ADGRV1: variants seen among roughly 807,000 people sequenced by gnomAD.
ADGRV1 encodes the protein adhesion G protein-coupled receptor V1.
ADGRV1 carries 359 observed loss-of-function variants against 596.2 expected under a neutral mutation model. The observed-to-expected ratio is 0.60, with a 90% CI of 0.55 to 0.66. ADGRV1 has a LOEUF of 0.66. Among genes scored for constraint, ADGRV1 ranks in the 30% least tolerant of loss-of-function variants. ADGRV1 has a pLI of 0.00. For synonymous variants in ADGRV1, 2,681 were observed against 2,679.2 expected, an observed-to-expected ratio of 1.00 and a Z score of -0.02; for missense variants, 7,274 against 7,575.6, an observed-to-expected ratio of 0.96 and a Z score of 1.48.
chr5:90,612,379 G>A lies in ADGRV1; in HGVS notation c.23-2456G>A, dbSNP rs190757666. On this transcript the variant is annotated intron_variant, in intron 1 of 89. Transcript: ENST00000405460. ...TTGAAATATCTGAATGCTTGGAAAC[G>A]TAGCATAAATGATCTATCATATTAT... is the stretch of plus-strand genomic sequence containing the variant. Among the ~76,000 whole-genome samples, 5 of 152,090 alleles carry A rather than the reference G, an allele frequency of 3.3e-5. No individual in the cohort carries two copies. The East Asian group carries it at 5.8e-4, about 18-fold the overall frequency.
Position 90,779,031 on chromosome 5 carries a change from A to G in ADGRV1, c.13016A>G (p.Asp4339Gly), listed in dbSNP as rs770168462. 17 of 1,613,422 alleles carry G rather than the reference A, an allele frequency of 1.1e-5. No homozygotes were observed. Among genetic ancestry groups the G allele is most frequent in the Non-Finnish European group, 1.4e-5 (17 of 1,179,512 alleles). The part of the protein sequence containing the change: ...MRKSLHVEIL[D>G]DDYPEGPEEF... ...AAAAGTCTGCATGTTGAAATCCTTG[A>G]TGATGACTATCCTGAAGGCCCAGAG... The change falls in exon 64 of 90, where the codon GAT (aspartate) becomes GGT (glycine). Residue 4339 changes from aspartate (D) to glycine (G), a missense_variant. Asp to Gly is a moderately conservative substitution (Grantham distance 94). Around this residue, in one of 5 missense-constraint regions of ADGRV1, gnomAD observed 3,643 missense variants for 3,809.2 expected, o/e 0.96. Coordinates refer to ENST00000405460, the MANE Select transcript of ADGRV1 (RefSeq NM_032119.4).
intron 87 of ADGRV1, among the ~76,000 whole-genome samples, chr5:91,147,305 A>T (rs550755467): frequency 3.4e-4 from 52 of 152,174 alleles, no homozygotes; most frequent in African/African-American, 1.2e-3. Context: ...TGTTCTGTAA[A>T]TTCTCAGCTT....
chr5:90,975,039 A>G (rs924683361), intron 84 of ADGRV1, among the ~76,000 whole-genome samples: 4 of 152,204 alleles, frequency 2.6e-5, no homozygotes, highest in African/African-American at 9.7e-5. Flanking sequence ...AAGTGGGCGA[A>G]GGATATGAAC....
At position 91,150,275 on chromosome 5, in the gene ADGRV1, C is replaced by G. The variant is rs1208985342; in HGVS notation, c.18624+54C>G. On this transcript the variant is annotated intron_variant, in intron 88 of 89. Coordinates refer to ENST00000405460, the MANE Select transcript of ADGRV1 (RefSeq NM_032119.4). ...TCTCTCTGTCTCTGTCTCTCTCTCT[C>G]TCTCTGTCTGTCTCTCTCTCTGTGT... 17 of 1,315,126 alleles carry G rather than the reference C, an allele frequency of 1.3e-5. No individual in the cohort carries two copies. In the East Asian group the frequency reaches 3.0e-4, roughly 23 times the overall value. The allele number at this position is 1,315,126 out of a possible 1,614,324, so 81.5% of individuals were successfully genotyped here. A position where few individuals can be genotyped will look rare whatever the true frequency, so the allele number is the denominator to read the frequency against.
intron 85 of ADGRV1, among the ~76,000 whole-genome samples, chr5:91,062,636 TG>T (rs1018678071): frequency 4.6e-5 from 7 of 152,172 alleles, no homozygotes; most frequent in African/African-American, 1.4e-4. Flanking sequence ...TCTGCAGATC[TG>T]CGGTATCCTC....
intron 85 of ADGRV1, among the ~76,000 whole-genome samples, chr5:91,004,198 TC>T (rs1301867252): frequency 6.6e-6 from 1 of 152,178 alleles, no homozygotes; most frequent in Non-Finnish European, 1.5e-5. Flanking sequence ...TGAAAAAGCA[TC>T]TAGGTGTTCT....
At chr5:90,726,256 C>A (rs948767312) in intron 48 of ADGRV1, among the ~76,000 whole-genome samples, 4 of 152,174 alleles carry the variant, frequency 2.6e-5, no homozygotes, top group Non-Finnish European at 5.9e-5. Context: ...AAAGCCAGGC[C>A]TCTCACATAA....
At chr5:90,715,232 A>T (rs1749930080) in intron 42 of ADGRV1, among the ~76,000 whole-genome samples, 2 of 152,162 alleles carry the variant, frequency 1.3e-5, no homozygotes, top group African/African-American at 4.8e-5. Flanking sequence ...AGAGAGAGGA[A>T]AGCTGATAGA....
At chr5:90,947,841 C>T (rs2150892557) in intron 83 of ADGRV1, among the ~76,000 whole-genome samples, 1 of 152,146 alleles carries the variant, frequency 6.6e-6, no homozygotes, top group Admixed American at 6.6e-5. Context: ...TATTTTATGG[C>T]ATAATGACAT....
rs76060339 is a variant in ADGRV1, at chr5:91,117,098, A to G, written c.18432+14758A>G. ...TCATTTAAAAAGGTTTGCAAGAAAA[A>G]TCTAATATGTAAGCATTTGAGGAAA... On this transcript the variant is annotated intron_variant, in intron 87 of 89. Transcript: ENST00000405460. Among the ~76,000 whole-genome samples, 1,218 of 152,316 alleles carry G rather than the reference A, an allele frequency of 8.0e-3. 32 individuals are homozygous for G. The East Asian group carries it at 0.11, about 14-fold the overall frequency.
intron 87 of ADGRV1, among the ~76,000 whole-genome samples, chr5:91,104,396 G>A (rs1791664819): frequency 6.6e-6 from 1 of 152,152 alleles, no homozygotes; most frequent in Non-Finnish European, 1.5e-5. Flanking sequence ...AAAAGAATTA[G>A]CATATCTATC....
intron 60 of ADGRV1, among the ~76,000 whole-genome samples, chr5:90,775,508 G>T (rs1485794295): frequency 6.6e-6 from 1 of 152,140 alleles, no homozygotes; most frequent in African/African-American, 2.4e-5. Flanking sequence ...GCAGGGTCTT[G>T]CTCTGTCACC....
chr5:90,635,882 A>G (rs2149403976), intron 10 of ADGRV1, among the ~76,000 whole-genome samples: 1 of 149,798 alleles, frequency 6.7e-6, no homozygotes, highest in South Asian at 2.1e-4. Context: ...GGCATGAGGC[A>G]TTGTGCCTGG....
At chr5:90,675,533 A>C (rs1773112394) in intron 24 of ADGRV1, 88 bp downstream of exon 24, 4 of 1,254,928 alleles carry the variant, frequency 3.2e-6, no homozygotes, top group Non-Finnish European at 4.5e-6. Context: ...TGTACCTGGA[A>C]CATAGTGACT....
Position 90,745,801 on chromosome 5 carries a change from G to A in ADGRV1, c.10974+6G>A. The A allele has an allele frequency of 6.7e-7, 1 of 1,487,782 alleles. No individual in the cohort carries two copies. The highest frequency in any genetic ancestry group is 9.4e-7 in the Non-Finnish European group (1 of 1,068,146). 92.2% of individuals were successfully genotyped at this position (1,487,782 alleles called of 1,614,324 possible). ...GAATTGTTGCATTTGCTCAGGTAAT[G>A]ATACTGAAGACCCCACACTTGCAAT... On this transcript the variant is annotated splice_donor_region_variant and intron_variant, in intron 52 of 89. Transcript: ENST00000405460.
chr5:90,582,682 A>T lies in ADGRV1; in HGVS notation c.22+23765A>T, dbSNP rs78516765. ...TGGATTCAAGAGATTATCCTGCCTC[A>T]TTCTCCCAAGTAGCTGGGACTATCA... On this transcript the variant is annotated intron_variant, in intron 1 of 89. Transcript: ENST00000405460. 9.1e-3 allele frequency among the ~76,000 whole-genome samples: 1,389 copies of T among 152,192 alleles called. 12 individuals are homozygous for T. Among genetic ancestry groups the T allele is most frequent in the African/African-American group, 0.032 (1,325 of 41,514 alleles).
chr5:90,673,160 A>T (rs1361823823), intron 22 of ADGRV1, among the ~76,000 whole-genome samples: 24 of 151,866 alleles, frequency 1.6e-4, no homozygotes. Context: ...CTTTTTTTGG[A>T]TTAATTGCTT....
At chr5:91,017,528 G>A (rs1473892182) in intron 85 of ADGRV1, among the ~76,000 whole-genome samples, 1 of 151,852 alleles carries the variant, frequency 6.6e-6, no homozygotes, top group African/African-American at 2.4e-5. Context: ...GTGATTGCAG[G>A]CAAAACAACC....
intron 1 of ADGRV1, among the ~76,000 whole-genome samples, chr5:90,584,343 G>A (rs1758465482): frequency 6.6e-6 from 1 of 152,184 alleles, no homozygotes; most frequent in South Asian, 2.1e-4. Flanking sequence ...AGCTGCTAGA[G>A]CTCAAGCTTC....
Sources: allele counts gnomAD v4.1 joint callset (sites outside exome capture counted in the v4.1 genomes callset), GRCh38; gene constraint gnomAD v4.1.1; regional missense constraint gnomAD v4.1.1; transcripts MANE v1.5; gene names NCBI Gene and HGNC (gene_info 2026-07-23, HGNC 2026-07-21).